Variants in DOK5 observed in about 807,000 individuals in gnomAD.
DOK5 encodes the protein downstream of tyrosine kinase 5.
DOK5 carries 27 observed loss-of-function variants against 43.3 expected under a neutral mutation model. The ratio of observed to expected loss-of-function variants is 0.62; its 90% CI spans 0.46 to 0.86. DOK5 has a LOEUF of 0.86. Among genes scored for constraint, DOK5 ranks in the 40% least tolerant of loss-of-function variants. The probability of loss-of-function intolerance (pLI) is 0.00; values close to 1 mark genes in which losing one functional copy is unlikely to be tolerated. For missense variants in DOK5, 373 were observed against 392.9 expected (o/e 0.95, Z 0.43); for synonymous variants, 146 against 140.1 (o/e 1.04, Z -0.30).
intron 6 of DOK5, among the ~76,000 whole-genome samples, chr20:54,626,674 A>G (rs920106988): frequency 1.3e-5 from 2 of 152,208 alleles, no homozygotes; most frequent in African/African-American, 4.8e-5. Flanking sequence ...ACATCTACAT[A>G]TATACATAGA....
intron 2 of DOK5, among the ~76,000 whole-genome samples, chr20:54,561,773 A>C (rs1299305087): frequency 1.3e-5 from 2 of 152,170 alleles, no homozygotes; most frequent in Non-Finnish European, 2.9e-5. Flanking sequence ...CTCCTGCCTC[A>C]GCCTTCCCAA....
intron 1 of DOK5, among the ~76,000 whole-genome samples, chr20:54,548,825 G>A (rs1016235280): frequency 3.3e-5 from 5 of 152,202 alleles, no homozygotes; most frequent in South Asian, 2.1e-4. Context: ...TATTTAGTAA[G>A]TCTTCCTGTT....
chr20:54,568,570 T>C (rs1985169830), intron 2 of DOK5, among the ~76,000 whole-genome samples: 1 of 152,240 alleles, frequency 6.6e-6, no homozygotes, highest in African/African-American at 2.4e-5. Flanking sequence ...TTTTTGCAGA[T>C]TTATTTTTTC....
At chr20:54,484,149 C>T (rs370826731) in intron 1 of DOK5, among the ~76,000 whole-genome samples, 11 of 152,074 alleles carry the variant, frequency 7.2e-5, no homozygotes, top group South Asian at 4.1e-4. Flanking sequence ...GAGGCCGAGG[C>T]GGGTGGATCA....
intron 5 of DOK5, among the ~76,000 whole-genome samples, chr20:54,594,088 A>G (rs887996966): frequency 1.3e-5 from 2 of 152,356 alleles, no homozygotes; most frequent in East Asian, 3.9e-4. Context: ...ACAATAAGTC[A>G]CCACGACACA....
intron 6 of DOK5, among the ~76,000 whole-genome samples, chr20:54,622,853 A>G (rs1448078751): frequency 6.6e-6 from 1 of 152,158 alleles, no homozygotes; most frequent in African/African-American, 2.4e-5. Flanking sequence ...ATGAGGACTG[A>G]GAGAAGAAAG....
chr20:54,556,255 C>G (rs117491105), intron 2 of DOK5, among the ~76,000 whole-genome samples: 3,950 of 152,278 alleles, frequency 0.026, 89 homozygotes, highest in Non-Finnish European at 0.042. Flanking sequence ...AGCCTTTCTT[C>G]TCTCCAATGG....
chr20:54,546,785 G>A (rs761729001), intron 1 of DOK5, among the ~76,000 whole-genome samples: 3 of 152,110 alleles, frequency 2.0e-5, no homozygotes, highest in Non-Finnish European at 4.4e-5. Flanking sequence ...CAAGAGATGG[G>A]GATGCTAATG....
intron 2 of DOK5, among the ~76,000 whole-genome samples, chr20:54,558,607 T>C (rs1272019528): frequency 6.6e-6 from 1 of 152,200 alleles, no homozygotes; most frequent in Admixed American, 6.5e-5. Context: ...ACTGGGGTTA[T>C]AAGTAGCACA....
intron 5 of DOK5, among the ~76,000 whole-genome samples, chr20:54,610,004 T>C (rs150116788): frequency 1.3e-5 from 2 of 152,334 alleles, no homozygotes; most frequent in East Asian, 1.9e-4. Flanking sequence ...CAGTTTCTGA[T>C]GAGGAGCTAT....
intron 5 of DOK5, among the ~76,000 whole-genome samples, chr20:54,606,470 AGAACATCTTTGTTCT>A (rs1389384995): frequency 6.6e-6 from 1 of 152,250 alleles, no homozygotes; most frequent in East Asian, 1.9e-4. Context: ...TAAACCCATT[AGAACATCTTTGTTCT>A]GTGTTGCATT....
intron 1 of DOK5, among the ~76,000 whole-genome samples, chr20:54,507,758 G>A (rs6014044): frequency 0.018 from 2,741 of 152,192 alleles, 88 homozygotes; most frequent in African/African-American, 0.063. Context: ...GGCAGGAATG[G>A]GCTTCTTATG....
intron 6 of DOK5, among the ~76,000 whole-genome samples, chr20:54,638,493 G>A (rs143862187): frequency 7.9e-5 from 12 of 152,264 alleles, no homozygotes; most frequent in East Asian, 7.7e-4. Flanking sequence ...AAGTTTGGCC[G>A]TTAGCATGAG....
intron 1 of DOK5, among the ~76,000 whole-genome samples, chr20:54,501,231 G>T (rs1281106989): frequency 1.3e-5 from 2 of 151,886 alleles, no homozygotes; most frequent in Non-Finnish European, 2.9e-5. Context: ...ACTTTGGGAG[G>T]CCAAGGCGGG....
At chr20:54,592,170 A>G (rs1600722405) in intron 5 of DOK5, among the ~76,000 whole-genome samples, 2 of 152,126 alleles carry the variant, frequency 1.3e-5, no homozygotes, top group East Asian at 3.9e-4. Context: ...CTTCCATATT[A>G]TTATTTCACA....
chr20:54,534,687 G>T (rs932757511), intron 1 of DOK5, among the ~76,000 whole-genome samples: 6 of 152,032 alleles, frequency 3.9e-5, no homozygotes, highest in African/African-American at 1.5e-4. Context: ...GTGAGGAGGA[G>T]GATGATGATA....
intron 2 of DOK5, among the ~76,000 whole-genome samples, chr20:54,566,032 A>AAAAC (rs1985086375): frequency 1.3e-5 from 2 of 150,110 alleles, no homozygotes; most frequent in African/African-American, 2.5e-5. Flanking sequence ...AAAAAAAAAA[A>AAAAC]CCCTGAACAT....
intron 1 of DOK5, among the ~76,000 whole-genome samples, chr20:54,517,635 G>A (rs1192654243): frequency 6.6e-6 from 1 of 152,154 alleles, no homozygotes; most frequent in Non-Finnish European, 1.5e-5. Context: ...AGTGTTGGTG[G>A]TGATGATAGT....
At chr20:54,480,991 C>CATCTATCT (rs147329351) in intron 1 of DOK5, among the ~76,000 whole-genome samples, 119,745 of 143,338 alleles carry the variant, frequency 0.84, 50,878 homozygotes, top group East Asian at 0.95. Flanking sequence ...TATCATCTAT[C>CATCTATCT]ATCTATCTAT....
Sources: gnomAD v4.1 joint callset for allele counts (sites outside exome capture counted in the v4.1 genomes callset) on GRCh38, gnomAD v4.1.1 for gene constraint, MANE v1.5 for transcripts, NCBI Gene and HGNC (gene_info 2026-07-23, HGNC 2026-07-21) for gene names.